Variants in WDR70 observed in about 807,000 individuals in gnomAD.
WDR70 encodes WD repeat-containing protein 70.
WDR70 carries 53 observed loss-of-function variants against 88.6 expected under a neutral mutation model. That is an observed-to-expected ratio of 0.60 (90% CI 0.48 to 0.75). The LOEUF (loss-of-function observed/expected upper bound fraction) is 0.75. Ranked by LOEUF, WDR70 falls within the 30% of genes least tolerant of loss-of-function variation. The probability of loss-of-function intolerance (pLI) is 0.00; values close to 1 mark genes in which losing one functional copy is unlikely to be tolerated. For missense variants in WDR70, 610 were observed against 823.2 expected, an observed-to-expected ratio of 0.74 and a Z score of 3.17; for synonymous variants, 280 against 270.0, an observed-to-expected ratio of 1.04 and a Z score of -0.36.
At position 37,528,908 on chromosome 5, in the gene WDR70, G is replaced by GTTTTT. The variant is rs1228946391; in HGVS notation, c.917+12329_917+12333dup. 1.7e-3 allele frequency among the ~76,000 whole-genome samples: 230 copies of GTTTTT among 137,538 alleles called. 3 individuals are homozygous for GTTTTT. Among genetic ancestry groups the GTTTTT allele is most frequent in the South Asian group, 0.011 (50 of 4,418 alleles). 90.2% of individuals were successfully genotyped at this position (137,538 alleles called of 152,430 possible). On this transcript the variant is annotated intron_variant, in intron 9 of 17. Transcript: ENST00000265107. ...TTGCCTAAGCCAATGTCTAGAGGGG[G>GTTTTT]TTTTTTTTTTTTTTTGATGTTATCT... is the stretch of plus-strand genomic sequence containing the variant.
chr5:37,415,390 G>A, intron 5 of WDR70, among the ~76,000 whole-genome samples: 1 of 116,300 alleles, frequency 8.6e-6, no homozygotes. Context: ...TCCCGGACGG[G>A]GCGGCTGGCC....
chr5:37,460,546 C>T (rs1581301120), intron 7 of WDR70, among the ~76,000 whole-genome samples: 1 of 65,478 alleles, frequency 1.5e-5, no homozygotes, highest in Non-Finnish European at 3.3e-5. Flanking sequence ...GTGGTGAGGT[C>T]GGGGGAGGGG....
At chr5:37,587,564 C>T (rs536680550) in intron 9 of WDR70, among the ~76,000 whole-genome samples, 3 of 152,114 alleles carry the variant, frequency 2.0e-5, no homozygotes, top group African/African-American at 7.2e-5. Context: ...TTCTGGGTGA[C>T]TGCCTCATGA....
intron 9 of WDR70, among the ~76,000 whole-genome samples, chr5:37,569,392 T>G (rs1284581262): frequency 6.6e-6 from 1 of 152,176 alleles, no homozygotes; most frequent in Non-Finnish European, 1.5e-5. Context: ...CAAAAATAAT[T>G]TATTTCTATG....
At position 37,638,953 on chromosome 5, in the gene WDR70, A is replaced by T. The variant is rs76460729; in HGVS notation, c.1092+33715A>T. ...TAATATACCATGGTACTTAAAAGGA[A>T]ACAAAAATGTATCTAACTTGATTAA... On this transcript the variant is annotated intron_variant, in intron 10 of 17. Coordinates refer to ENST00000265107, the MANE Select transcript of WDR70 (RefSeq NM_018034.4). 2.6e-5 allele frequency among the ~76,000 whole-genome samples: 4 copies of T among 152,340 alleles called. No homozygotes were observed. The East Asian group carries it at 7.7e-4, about 29-fold the overall frequency.
At chr5:37,736,112 A>T (rs1748299476) in intron 17 of WDR70, among the ~76,000 whole-genome samples, 1 of 152,150 alleles carries the variant, frequency 6.6e-6, no homozygotes, top group Non-Finnish European at 1.5e-5. Context: ...AGAGAAAAGG[A>T]GCTGGCTGGG....
chr5:37,655,056 AT>A (rs1380681762), intron 10 of WDR70, among the ~76,000 whole-genome samples: 1 of 152,076 alleles, frequency 6.6e-6, no homozygotes, highest in Non-Finnish European at 1.5e-5. Context: ...GGTCTTTACA[AT>A]TTGGTATGTT....
intron 9 of WDR70, among the ~76,000 whole-genome samples, chr5:37,527,337 C>CAACCATCTGATCTTTGACA (rs1741315784): frequency 6.6e-6 from 1 of 152,154 alleles, no homozygotes; most frequent in Non-Finnish European, 1.5e-5. Context: ...CACACATCTA[C>CAACCATCTGATCTTTGACA]AACCATCTGA....
chr5:37,585,101 C>T (rs1338375468), intron 9 of WDR70, among the ~76,000 whole-genome samples: 1 of 151,390 alleles, frequency 6.6e-6, no homozygotes, highest in African/African-American at 2.4e-5. Flanking sequence ...AGTGATTCTC[C>T]TGCCTCAACC....
intron 9 of WDR70, among the ~76,000 whole-genome samples, chr5:37,551,418 C>T (rs914409016): frequency 6.6e-5 from 10 of 151,902 alleles, no homozygotes; most frequent in African/African-American, 2.2e-4. Flanking sequence ...TCTTATTGTG[C>T]TGTCTGTGTC....
intron 10 of WDR70, among the ~76,000 whole-genome samples, chr5:37,660,352 T>C (rs895270773): frequency 5.3e-5 from 8 of 152,242 alleles, no homozygotes; most frequent in African/African-American, 1.9e-4. Context: ...CATGTCAGCC[T>C]ATATCTATTG....
At chr5:37,480,089 A>C in intron 8 of WDR70, 102 bp downstream of exon 8, 1 of 1,374,830 alleles carries the variant, frequency 7.3e-7, no homozygotes, top group Non-Finnish European at 9.9e-7. Context: ...TTAGTGTCAT[A>C]AAACAATAGC....
intron 9 of WDR70, among the ~76,000 whole-genome samples, chr5:37,601,475 G>A (rs770151530): frequency 5.3e-5 from 8 of 152,170 alleles, no homozygotes; most frequent in Non-Finnish European, 1.2e-4. Context: ...ATATTGTTCT[G>A]TAGCTTTCTT....
chr5:37,434,151 A>T (rs1750397304), intron 5 of WDR70, among the ~76,000 whole-genome samples: 1 of 152,190 alleles, frequency 6.6e-6, no homozygotes, highest in Non-Finnish European at 1.5e-5. Flanking sequence ...TAGGGTGGCA[A>T]GACAGAGTGC....
chr5:37,562,095 T>C (rs1473960951), intron 9 of WDR70, among the ~76,000 whole-genome samples: 1 of 152,366 alleles, frequency 6.6e-6, no homozygotes, highest in East Asian at 1.9e-4. Flanking sequence ...CGGTGGCTCA[T>C]GCCTGTTATC....
At chr5:37,721,974 G>A (rs1747828734) in intron 14 of WDR70, 1 of 152,100 alleles carries the variant, frequency 6.6e-6, no homozygotes, top group African/African-American at 2.4e-5. Flanking sequence ...CACATCCTTT[G>A]AGGAAAGGAA....
intron 9 of WDR70, among the ~76,000 whole-genome samples, chr5:37,599,762 G>A (rs114991427): frequency 0.045 from 6,906 of 152,010 alleles, 183 homozygotes; most frequent in Middle Eastern, 0.11. Flanking sequence ...GCGTGGTGGC[G>A]CGTGCCTGTA....
At chr5:37,423,423 A>T (rs940325859) in intron 5 of WDR70, among the ~76,000 whole-genome samples, 2 of 151,852 alleles carry the variant, frequency 1.3e-5, no homozygotes, top group Middle Eastern at 6.3e-3. Context: ...AAGAGTTGCT[A>T]ATATAGGATT....
At chr5:37,641,952 G>A (rs1225341137) in intron 10 of WDR70, among the ~76,000 whole-genome samples, 2 of 152,146 alleles carry the variant, frequency 1.3e-5, no homozygotes, top group African/African-American at 4.8e-5. Context: ...GTAATTAAAT[G>A]TTACTTTAAA....
Sources: allele counts gnomAD v4.1 joint callset (sites outside exome capture counted in the v4.1 genomes callset), GRCh38; gene constraint gnomAD v4.1.1; transcripts MANE v1.5; gene names NCBI Gene and HGNC (gene_info 2026-07-23, HGNC 2026-07-21).